The following SORCS2 variants were observed in gnomAD, a reference collection of about 807,000 sequenced individuals.
SORCS2 encodes VPS10 domain-containing receptor SorCS2.
Under a neutral mutation model 141.6 loss-of-function variants are expected in SORCS2, and 100 were observed. The observed-to-expected ratio is 0.71, with a 90% CI of 0.60 to 0.83. SORCS2 has a LOEUF of 0.83. Ranked by LOEUF, SORCS2 falls within the 40% of genes least tolerant of loss-of-function variation. The probability of loss-of-function intolerance (pLI) is 0.00; values close to 1 mark genes in which losing one functional copy is unlikely to be tolerated. For synonymous variants in SORCS2, 789 were observed against 676.9 expected (o/e 1.17, Z -2.57); for missense variants, 1,646 against 1,560.2 (o/e 1.05, Z -0.93).
intron 2 of SORCS2, among the ~76,000 whole-genome samples, chr4:7,427,667 C>A (rs1451596354): frequency 6.6e-6 from 1 of 151,960 alleles, no homozygotes; most frequent in Non-Finnish European, 1.5e-5. Flanking sequence ...GTGTGAGACT[C>A]GGGAAGCTTC....
chr4:7,607,761 G>A (rs941053551), intron 3 of SORCS2, among the ~76,000 whole-genome samples: 2 of 152,140 alleles, frequency 1.3e-5, no homozygotes, highest in Non-Finnish European at 2.9e-5. Context: ...TTGTTGATGA[G>A]GGGGTCAGTG....
chr4:7,724,150 G>GGTGGTGGTGATGGTGGTGATA (rs1726825784), intron 19 of SORCS2, among the ~76,000 whole-genome samples: 5 of 135,394 alleles, frequency 3.7e-5, no homozygotes, highest in Admixed American at 7.1e-5. Flanking sequence ...TGATGGTCGT[G>GGTGGTGGTGATGGTGGTGATA]GTGGTGGTGG....
chr4:7,668,272 G>A (rs1195674592), intron 8 of SORCS2, among the ~76,000 whole-genome samples: 3 of 152,182 alleles, frequency 2.0e-5, no homozygotes, highest in Admixed American at 6.5e-5. Flanking sequence ...GAGGGCGTGT[G>A]TATGAGTGTG....
chr4:7,660,374 C>G (rs1722074977), intron 5 of SORCS2, among the ~76,000 whole-genome samples: 1 of 152,158 alleles, frequency 6.6e-6, no homozygotes, highest in Admixed American at 6.5e-5. Flanking sequence ...ATCTCTGTCC[C>G]CAAGGCCCGC....
At chr4:7,612,599 C>G (rs1718483356) in intron 3 of SORCS2, among the ~76,000 whole-genome samples, 1 of 152,158 alleles carries the variant, frequency 6.6e-6, no homozygotes, top group Admixed American at 6.5e-5. Context: ...TCCCCTGGGC[C>G]CCACGCAGTG....
chr4:7,372,032 C>A (rs1313414085), intron 1 of SORCS2, among the ~76,000 whole-genome samples: 1 of 152,150 alleles, frequency 6.6e-6, no homozygotes, highest in African/African-American at 2.4e-5. Context: ...GTATGGGCGA[C>A]TTGTGTGGAC....
rs939626819 is a variant in SORCS2, at chr4:7,233,208, C to T, written c.480+40082C>T. 5.9e-5 allele frequency among the ~76,000 whole-genome samples: 9 copies of T among 152,180 alleles called. No individual in the cohort carries two copies. The highest frequency in any genetic ancestry group is 1.7e-4 in the African/African-American group (7 of 41,426). On this transcript the variant is annotated intron_variant, in intron 1 of 26. Transcript: ENST00000507866. The surrounding 1 kb of genome is among the most constrained non-coding windows in gnomAD (Gnocchi z 4.5). ...GCAGGAACGGCACGGCAGAGGGAGC[C>T]TTCCAGAGCAGGGGGAGGCGTCGGC... is the stretch of plus-strand genomic sequence containing the variant.
chr4:7,511,618 A>G (rs1037594731), intron 2 of SORCS2, among the ~76,000 whole-genome samples: 1 of 152,152 alleles, frequency 6.6e-6, no homozygotes, highest in Non-Finnish European at 1.5e-5. Flanking sequence ...GTGTTTCTGC[A>G]GAGCTGGCCT....
chr4:7,609,994 C>T (rs1718305298), intron 3 of SORCS2, among the ~76,000 whole-genome samples: 2 of 152,156 alleles, frequency 1.3e-5, no homozygotes, highest in African/African-American at 2.4e-5. Flanking sequence ...AATGTCTGAC[C>T]GTAATCATCC....
intron 2 of SORCS2, among the ~76,000 whole-genome samples, chr4:7,412,737 A>G (rs2109159189): frequency 6.6e-6 from 1 of 151,618 alleles, no homozygotes; most frequent in South Asian, 2.1e-4. Flanking sequence ...GGGTCTCCCC[A>G]AGCACCCTTG....
chr4:7,550,576 G>C (rs1453206711), intron 3 of SORCS2, among the ~76,000 whole-genome samples: 1 of 152,200 alleles, frequency 6.6e-6, no homozygotes, highest in African/African-American at 2.4e-5. Context: ...GCTGGCAGAG[G>C]GCAGGGGACA....
intron 1 of SORCS2, among the ~76,000 whole-genome samples, chr4:7,242,461 C>A (rs1332634231): frequency 6.6e-6 from 1 of 152,120 alleles, no homozygotes; most frequent in South Asian, 2.1e-4. Context: ...ACCCCGGCCT[C>A]CCAAAGTGCT....
chr4:7,540,734 G>A (rs1453254802), intron 3 of SORCS2, among the ~76,000 whole-genome samples: 1 of 152,194 alleles, frequency 6.6e-6, no homozygotes, highest in Non-Finnish European at 1.5e-5. Context: ...CAGGCTTTAC[G>A]GAGACTCAAC....
chr4:7,723,977 C>G (rs1726785107), intron 19 of SORCS2, 94 bp downstream of exon 19: 1 of 1,392,558 alleles, frequency 7.2e-7, no homozygotes, highest in South Asian at 1.5e-5. Context: ...CGGGATTGCT[C>G]TAGGCCCCTG....
At chr4:7,249,168 G>A (rs926361566) in intron 1 of SORCS2, among the ~76,000 whole-genome samples, 3 of 152,194 alleles carry the variant, frequency 2.0e-5, no homozygotes. Context: ...TTCAGATGGT[G>A]GCTGGGACTG....
chr4:7,308,860 C>T (rs1041376831), intron 1 of SORCS2, among the ~76,000 whole-genome samples: 2 of 152,172 alleles, frequency 1.3e-5, no homozygotes, highest in Non-Finnish European at 2.9e-5. Flanking sequence ...CAGGATAAAG[C>T]CACAGACCCT....
At chr4:7,623,520 A>C (rs953179545) in intron 3 of SORCS2, among the ~76,000 whole-genome samples, 1 of 151,718 alleles carries the variant, frequency 6.6e-6, no homozygotes, top group Admixed American at 6.6e-5. Context: ...TTTTCCCCCA[A>C]TGCCCAAGGT....
In SORCS2 at chr4:7,728,352, C is replaced by A; in HGVS notation, c.2872C>A (p.Gln958Lys). ...CTCCCTTCTCTGCGTCTTTCCAGAT[C>A]AATTTCAAGTCATGCCTCTGCAGTT... Reference protein sequence around the residue: ...QDSRVLRVLDQFQVMPLQFSK... With the variant: ...QDSRVLRVLDKFQVMPLQFSK... The change falls in exon 22 of 27, where the codon CAA (glutamine) becomes AAA (lysine). Residue 958 changes from glutamine (Q) to lysine (K), a missense_variant and splice_region_variant. Gln to Lys is a moderately conservative substitution (Grantham distance 53). Coordinates refer to ENST00000507866, the MANE Select transcript of SORCS2 (RefSeq NM_020777.3). 1.2e-6 allele frequency: 2 copies of A among 1,612,124 alleles called. No individual in the cohort carries two copies. The highest frequency in any genetic ancestry group is 1.7e-6 in the Non-Finnish European group (2 of 1,178,642).
chr4:7,433,819 AT>A (rs755716558), intron 2 of SORCS2: 1 of 1,613,714 alleles, frequency 6.2e-7, no homozygotes, highest in Admixed American at 1.7e-5. Context: ...CTCTGGGGTG[AT>A]TTTGGCCACA....
Sources: allele counts gnomAD v4.1 joint callset (sites outside exome capture counted in the v4.1 genomes callset), GRCh38; gene constraint gnomAD v4.1.1; non-coding constraint Gnocchi (gnomAD v3.1); transcripts MANE v1.5; gene names NCBI Gene and HGNC (gene_info 2026-07-23, HGNC 2026-07-21).